CFAP47: variants seen among roughly 807,000 people sequenced by gnomAD.
CFAP47 encodes the protein cilia and flagella associated protein 47.
A neutral mutation model predicts 148.1 loss-of-function variants in CFAP47; 29 were observed. The observed-to-expected ratio is 0.20, with a 90% CI of 0.15 to 0.27. CFAP47 has a LOEUF of 0.27. Among genes scored for constraint, CFAP47 ranks in the 10% least tolerant of loss-of-function variants. The pLI, the probability that CFAP47 is intolerant of heterozygous loss-of-function variation, is 1.00. For missense variants in CFAP47, 1,872 were observed against 1,697.5 expected (o/e 1.10, Z -1.81); for synonymous variants, 664 against 577.3 (o/e 1.15, Z -2.15).
At chrX:36,233,528 T>C (rs1282863675) in intron 46 of CFAP47, among the ~76,000 whole-genome samples, 2 of 111,717 alleles carry the variant, frequency 1.8e-5, no homozygotes, top group African/African-American at 6.5e-5. Context: ...GAGATGGGTT[T>C]CCTGAATACA....
At chrX:36,167,152 A>G (rs1344031) in intron 39 of CFAP47, among the ~76,000 whole-genome samples, 13,542 of 111,393 alleles carry the variant, frequency 0.12, 1,155 homozygotes, top group African/African-American at 0.3. Context: ...ATCTTTGTTG[A>G]TCTACCAATC....
chrX:35,960,380 GAAA>G (rs1188987905), intron 8 of CFAP47, among the ~76,000 whole-genome samples: 16 of 15,474 alleles, frequency 1.0e-3, no homozygotes, highest in South Asian at 8.5e-3. Context: ...GCTAATTTCT[GAAA>G]AAAAAAAAAA....
intron 23 of CFAP47, among the ~76,000 whole-genome samples, chrX:36,032,680 A>T (rs781471148): frequency 1.8e-5 from 2 of 111,469 alleles, no homozygotes; most frequent in South Asian, 7.3e-4. Flanking sequence ...TCTGAAGCTG[A>T]TAAACCATAA....
At chrX:36,361,611 ATAT>A (rs1941829442) in intron 61 of CFAP47, 110 bp downstream of exon 61, 2 of 345,715 alleles carry the variant, frequency 5.8e-6, no homozygotes, top group East Asian at 1.0e-4. Flanking sequence ...TACTTATTTA[ATAT>A]TATTGAGAAA....
Position 36,236,827 on chromosome X carries a change from C to T in CFAP47, c.7300C>T (p.Pro2434Ser), listed in dbSNP as rs782073550. 4.1e-6 allele frequency: 2 copies of T among 486,916 alleles called. No individual in the cohort carries two copies. Among genetic ancestry groups the T allele is most frequent in the South Asian group, 6.0e-5 (2 of 33,147 alleles). The allele number at this position is 486,916 out of a possible 1,213,427, so 40.1% of individuals were successfully genotyped here. A position where few individuals can be genotyped will look rare whatever the true frequency, so the allele number is the denominator to read the frequency against. The change falls in exon 48 of 64, where the codon CCT (proline) becomes TCT (serine). Residue 2434 changes from proline to serine, a missense_variant. Pro to Ser is a moderately conservative substitution (Grantham distance 74, BLOSUM62 -1). Transcript: ENST00000378653. ...GNVTQKHITL[P>S]HFTNTALTFK... ...TGTGACACAAAAGCATATAACATTG[C>T]CTCATTTCACAAATACTGCCCTAAC...
Position 36,228,650 on chromosome X carries a change from T to G in CFAP47, c.6840T>G (p.Leu2280=). ...KAKASDGSVP[L]PLQFLPLQSG... is the part of the protein sequence containing the mutation. ...TAGCTTCAGATGGATCTGTTCCACTTCCTTTGCAATTTCTTCCTCTCCAAT... is the reference window on the plus strand; with the variant it reads ...TAGCTTCAGATGGATCTGTTCCACTGCCTTTGCAATTTCTTCCTCTCCAAT... Residue 2280 remains leucine, a synonymous_variant, in exon 46 of 64, where the codon CTT becomes CTG. Coordinates refer to ENST00000378653, the MANE Select transcript of CFAP47 (RefSeq NM_001304548.2). The G allele has an allele frequency of 3.8e-6, 2 of 525,194 alleles. No individual in the cohort carries two copies. Among genetic ancestry groups the G allele is most frequent in the South Asian group, 2.5e-5 (1 of 40,703 alleles). The allele number at this position is 525,194 out of a possible 1,213,427, so 43.3% of individuals were successfully genotyped here.
At chrX:36,047,261 G>A (rs1186793362) in intron 26 of CFAP47, among the ~76,000 whole-genome samples, 198 bp downstream of exon 26, 1 of 111,616 alleles carries the variant, frequency 9.0e-6, no homozygotes, top group Non-Finnish European at 1.9e-5. Context: ...ATACTCTGGA[G>A]CTAGACTGCC....
intron 22 of CFAP47, among the ~76,000 whole-genome samples, chrX:36,016,696 C>A (rs1373207058): frequency 3.0e-5 from 3 of 100,178 alleles, no homozygotes; most frequent in African/African-American, 4.0e-5. Context: ...GGATCTTATG[C>A]CAGTCTTTTT....
At chrX:35,944,522 G>A (rs1446738092) in intron 3 of CFAP47, among the ~76,000 whole-genome samples, 1 of 111,256 alleles carries the variant, frequency 9.0e-6, no homozygotes, top group African/African-American at 3.3e-5. Flanking sequence ...AACATGTGGA[G>A]CCTCATACAT....
Position 36,130,539 on chromosome X carries a change from T to A in CFAP47, c.5321-7419T>A, listed in dbSNP as rs1187368240. Among the ~76,000 whole-genome samples, 5 of 110,767 alleles carry A rather than the reference T, an allele frequency of 4.5e-5. No homozygotes were observed. The Admixed American group carries it at 4.8e-4, about 11-fold the overall frequency. ...GGAGGTTCCTCAAAAAACTAAAAAT[T>A]GAGCTGCAGTTTAATCCAGGAATCC... On this transcript the variant is annotated intron_variant, in intron 33 of 63. Transcript: ENST00000378653.
intron 42 of CFAP47, among the ~76,000 whole-genome samples, chrX:36,199,760 A>C (rs1435090610): frequency 2.7e-5 from 3 of 111,567 alleles, no homozygotes; most frequent in Non-Finnish European, 5.7e-5. Context: ...TGTAGAGACC[A>C]CATATCAAGT....
chrX:35,982,364 T>C (rs1936657610), intron 15 of CFAP47, among the ~76,000 whole-genome samples: 2 of 112,033 alleles, frequency 1.8e-5, no homozygotes, highest in Admixed American at 9.5e-5. Context: ...TATTAGACTT[T>C]TGTCAGATAC....
chrX:36,280,579 T>C lies in CFAP47; in HGVS notation c.7537T>C (p.Cys2513Arg). The C allele has an allele frequency of 2.0e-6, 1 of 510,097 alleles. No homozygotes were observed. The highest frequency in any genetic ancestry group is 3.5e-6 in the Non-Finnish European group (1 of 284,657). 42.0% of individuals were successfully genotyped at this position (510,097 alleles called of 1,213,427 possible). Residue 2513 changes from cysteine to arginine, a missense_variant, in exon 50 of 64, where the codon TGT becomes CGT. Coordinates refer to ENST00000378653, the MANE Select transcript of CFAP47 (RefSeq NM_001304548.2). ...CACAGATCAAGATCAAGCCCTCTCC[T>C]GTCTTGATTCAATAACAGAACAATC... ...EDTDQDQALS[C>R]LDSITEQSSI...
chrX:36,251,822 A>G (rs1940695911), intron 49 of CFAP47, among the ~76,000 whole-genome samples: 1 of 112,100 alleles, frequency 8.9e-6, no homozygotes, highest in African/African-American at 3.2e-5. Context: ...AAACATTCAC[A>G]TGCACTTACT....
chrX:36,376,502 T>C (rs1942024567), intron 62 of CFAP47, among the ~76,000 whole-genome samples: 1 of 112,032 alleles, frequency 8.9e-6, no homozygotes, highest in South Asian at 3.7e-4. Context: ...CTTCTTTTTC[T>C]TTCCCTACAG....
intron 22 of CFAP47, among the ~76,000 whole-genome samples, chrX:36,017,776 A>C (rs1476645583): frequency 9.0e-6 from 1 of 111,214 alleles, no homozygotes; most frequent in Non-Finnish European, 1.9e-5. Flanking sequence ...GTCTGTTTTG[A>C]TTATTATAGC....
chrX:36,209,167 T>C (rs1555989162), intron 45 of CFAP47, among the ~76,000 whole-genome samples: 4 of 111,981 alleles, frequency 3.6e-5, no homozygotes, highest in African/African-American at 1.3e-4. Flanking sequence ...AAATCTATTA[T>C]ACTTTATTGT....
chrX:35,995,525 T>G (rs1936836974), intron 18 of CFAP47, among the ~76,000 whole-genome samples: 1 of 110,623 alleles, frequency 9.0e-6, no homozygotes, highest in Non-Finnish European at 1.9e-5. Flanking sequence ...ATATGGGGAT[T>G]GGTGATTGAA....
chrX:36,193,180 T>C (rs1311341306), intron 42 of CFAP47, among the ~76,000 whole-genome samples: 1 of 112,002 alleles, frequency 8.9e-6, no homozygotes, highest in Admixed American at 9.5e-5. Flanking sequence ...GTCTCTAATA[T>C]GCATATATTT....
Sources: gnomAD v4.1 joint callset for allele counts (sites outside exome capture counted in the v4.1 genomes callset) on GRCh38, gnomAD v4.1.1 for gene constraint, MANE v1.5 for transcripts, NCBI Gene and HGNC (gene_info 2026-07-23, HGNC 2026-07-21) for gene names.